The following PLA2G4E variants were observed in gnomAD, a reference collection of about 807,000 sequenced individuals.
PLA2G4E encodes the protein cytosolic phospholipase A2 epsilon.
In PLA2G4E, 84 loss-of-function variants were observed where a neutral mutation model predicts 109.1. The observed-to-expected ratio is 0.77, with a 90% CI of 0.65 to 0.92. The LOEUF is 0.92. Ranked by LOEUF, PLA2G4E falls within the 40% of genes least tolerant of loss-of-function variation. The pLI, the probability that PLA2G4E is intolerant of heterozygous loss-of-function variation, is 0.00. For missense variants in PLA2G4E, 1,057 were observed against 1,076.6 expected (o/e 0.98, Z 0.25); for synonymous variants, 469 against 436.1 (o/e 1.08, Z -0.94).
In PLA2G4E at chr15:41,984,620, C is replaced by A; in HGVS notation, c.2203-1G>T. The A allele has an allele frequency of 6.3e-7, 1 of 1,599,090 alleles. No individual in the cohort carries two copies. The highest frequency in any genetic ancestry group is 8.6e-7 in the Non-Finnish European group (1 of 1,168,994). On this transcript the variant is annotated splice_acceptor_variant, in intron 18 of 19. Transcript: ENST00000399518. LOFTEE classifies it high-confidence loss of function. ...AGTACTCACAGGTTTGTTTCAGGGG[C>A]TGGAACAGCACAGAGGGCGTGTTTG...
chr15:42,025,614 TC>T (rs1480899237), intron 1 of PLA2G4E, among the ~76,000 whole-genome samples: 1 of 152,186 alleles, frequency 6.6e-6, no homozygotes, highest in African/African-American at 2.4e-5. Context: ...GTTTGGCAGT[TC>T]CAAGAGACGT....
At chr15:42,049,880 G>C (rs556028405) in intron 1 of PLA2G4E, among the ~76,000 whole-genome samples, 2 of 152,346 alleles carry the variant, frequency 1.3e-5, no homozygotes, top group African/African-American at 4.8e-5. Context: ...AACTGCACGA[G>C]GCAGACCTGG....
At chr15:41,999,710 C>T (rs2068393319) in intron 9 of PLA2G4E, 149 bp from the exon 10 acceptor site, 1 of 1,163,814 alleles carries the variant, frequency 8.6e-7, no homozygotes, top group Admixed American at 2.1e-5. Flanking sequence ...CACAATCTCC[C>T]CACCATCTTC....
chr15:42,045,432 T>C (rs1245964752), intron 1 of PLA2G4E, among the ~76,000 whole-genome samples: 1 of 151,998 alleles, frequency 6.6e-6, no homozygotes, highest in African/African-American at 2.4e-5. Context: ...GCTGTTAGGT[T>C]CCCAGGCCAG....
At chr15:42,031,268 C>T (rs956246689) in intron 1 of PLA2G4E, among the ~76,000 whole-genome samples, 5 of 152,194 alleles carry the variant, frequency 3.3e-5, no homozygotes, top group Non-Finnish European at 7.4e-5. Flanking sequence ...CGCACACAGT[C>T]ACAAAGTTCC....
intron 10 of PLA2G4E, chr15:41,997,535 T>G: frequency 3.9e-6 from 1 of 256,440 alleles, no homozygotes; most frequent in Middle Eastern, 1.1e-3. Context: ...CTGTTGGCAC[T>G]GTGTTAGGGA....
chr15:42,001,453 C>T (rs1324037425), intron 6 of PLA2G4E, among the ~76,000 whole-genome samples: 1 of 152,144 alleles, frequency 6.6e-6, no homozygotes, highest in Non-Finnish European at 1.5e-5. Context: ...CTAGGACCCA[C>T]GGTCACAGTT....
Position 42,006,416 on chromosome 15 carries a change from T to C in PLA2G4E, c.394-295A>G, listed in dbSNP as rs376522178. Among the ~76,000 whole-genome samples the C allele has an allele frequency of 2.6e-5, 4 of 152,288 alleles. No homozygotes were observed. In the East Asian group the frequency reaches 5.8e-4, roughly 22 times the overall value. On this transcript the variant is annotated intron_variant, in intron 3 of 19. Transcript: ENST00000399518. ...AGAGACCTGTGAAGTATGGAAGGATTTAGTTTCACCTGAGGGGAAGGATGG... is the reference window on the plus strand; with the variant it reads ...AGAGACCTGTGAAGTATGGAAGGATCTAGTTTCACCTGAGGGGAAGGATGG...
At chr15:41,985,884 G>T in exon 18 of PLA2G4E, 9 of 1,610,812 alleles carry the variant, frequency 5.6e-6, no homozygotes, top group Non-Finnish European at 5.9e-6. Context: ...TGATGAGGTC[G>T]GCTTTTCGCT....
At chr15:41,982,705 C>G (rs2068081296) in exon 20 of PLA2G4E, 1 of 152,436 alleles carries the variant, frequency 6.6e-6, no homozygotes. Flanking sequence ...TGCTGAACTC[C>G]ATCCCAGATC....
chr15:42,043,876 T>C (rs1889362287), intron 1 of PLA2G4E, among the ~76,000 whole-genome samples: 1 of 152,260 alleles, frequency 6.6e-6, no homozygotes, highest in African/African-American at 2.4e-5. Flanking sequence ...CATATACATC[T>C]GGCACACAGA....
chr15:42,041,902 T>C (rs1889322378), intron 1 of PLA2G4E, among the ~76,000 whole-genome samples: 1 of 152,206 alleles, frequency 6.6e-6, no homozygotes, highest in African/African-American at 2.4e-5. Context: ...GAGAGGCTTT[T>C]GTAAAGTTTC....
chr15:42,015,750 G>A (rs533828437), intron 1 of PLA2G4E, among the ~76,000 whole-genome samples: 2 of 152,248 alleles, frequency 1.3e-5, no homozygotes, highest in Non-Finnish European at 2.9e-5. Flanking sequence ...AAGCTTCCCC[G>A]CCATCAGTCA....
At chr15:42,028,317 A>G (rs138880988) in intron 1 of PLA2G4E, among the ~76,000 whole-genome samples, 4 of 152,354 alleles carry the variant, frequency 2.6e-5, no homozygotes, top group African/African-American at 9.6e-5. Context: ...CTATGATCCC[A>G]GGTAGAAAGC....
chr15:42,013,395 G>T (rs574839190), intron 2 of PLA2G4E, among the ~76,000 whole-genome samples: 2 of 152,334 alleles, frequency 1.3e-5, no homozygotes, highest in East Asian at 3.9e-4. Flanking sequence ...GAGACAGAGG[G>T]CGAACAGAGC....
intron 1 of PLA2G4E, among the ~76,000 whole-genome samples, chr15:42,029,130 T>C (rs1325542741): frequency 6.6e-6 from 1 of 152,208 alleles, no homozygotes; most frequent in Non-Finnish European, 1.5e-5. Context: ...CTCGCTCTGT[T>C]GCCCAGACTG....
At chr15:41,987,148 C>T in intron 17 of PLA2G4E, 24 bp downstream of exon 17, 1 of 1,599,264 alleles carries the variant, frequency 6.3e-7, no homozygotes, top group Non-Finnish European at 8.6e-7. Flanking sequence ...AGGCAGGCCT[C>T]AAGGAGTAGC....
chr15:42,028,048 A>G (rs918277507), intron 1 of PLA2G4E, among the ~76,000 whole-genome samples: 6 of 152,254 alleles, frequency 3.9e-5, no homozygotes, highest in South Asian at 4.1e-4. Flanking sequence ...AATGCCCATC[A>G]GTAAAGGAAT....
chr15:41,990,611 A>G (rs920367104), intron 13 of PLA2G4E, among the ~76,000 whole-genome samples: 3 of 151,954 alleles, frequency 2.0e-5, no homozygotes, highest in Non-Finnish European at 4.4e-5. Context: ...CATGTTTAGC[A>G]TCTCCATTTT....
Sources: allele counts gnomAD v4.1 joint callset (sites outside exome capture counted in the v4.1 genomes callset), GRCh38; gene constraint gnomAD v4.1.1; transcripts MANE v1.5; gene names NCBI Gene and HGNC (gene_info 2026-07-23, HGNC 2026-07-21).